Variants in MIA2 observed in about 807,000 individuals in gnomAD.
MIA2 encodes the protein melanoma inhibitory activity protein 2.
Under a neutral mutation model 167.8 loss-of-function variants are expected in MIA2, and 127 were observed. That is an observed-to-expected ratio of 0.76 (90% CI 0.66 to 0.88). The LOEUF (loss-of-function observed/expected upper bound fraction) is 0.88, where lower values mean the gene tolerates loss of function less well. Ranked by LOEUF, MIA2 falls within the 40% of genes least tolerant of loss-of-function variation. MIA2 has a pLI of 0.00. For missense variants in MIA2, 1,690 were observed against 1,624.7 expected (o/e 1.04, Z -0.69); for synonymous variants, 552 against 541.9 (o/e 1.02, Z -0.26).
chr14:39,345,768 C>A (rs2073101971), intron 25 of MIA2, 136 bp from the exon 26 acceptor site: 1 of 624,954 alleles, frequency 1.6e-6, no homozygotes, highest in Non-Finnish European at 2.7e-6. Flanking sequence ...CTGAAATTGT[C>A]TACTGTTGTC....
intron 21 of MIA2, 73 bp from the exon 22 acceptor site, chr14:39,317,867 ATGTT>A: frequency 1.1e-6 from 1 of 900,186 alleles, no homozygotes. Context: ...AATTTAATGA[ATGTT>A]TATATTGACA....
chr14:39,305,509 A>C (rs771696592), intron 17 of MIA2, among the ~76,000 whole-genome samples: 3 of 152,282 alleles, frequency 2.0e-5, no homozygotes, highest in South Asian at 4.1e-4. Context: ...TTGTTTTTTT[A>C]ATGGATCATG....
downstream of MIA2, among the ~76,000 whole-genome samples, chr14:39,355,766 C>G (rs1212907188): frequency 6.6e-6 from 1 of 152,046 alleles, no homozygotes; most frequent in Non-Finnish European, 1.5e-5. Flanking sequence ...GCATGAAGGG[C>G]TGTTGAATTT....
intron 24 of MIA2, among the ~76,000 whole-genome samples, chr14:39,323,758 A>AT (rs2066927717): frequency 6.6e-6 from 1 of 152,246 alleles, no homozygotes; most frequent in African/African-American, 2.4e-5. Flanking sequence ...ATTGAATTAC[A>AT]TAAGTCAAGG....
intron 23 of MIA2, among the ~76,000 whole-genome samples, chr14:39,379,448 T>C (rs1189494727): frequency 6.6e-6 from 1 of 152,214 alleles, no homozygotes; most frequent in East Asian, 1.9e-4. Context: ...TTAAAAATGT[T>C]TTAATCTCAG....
intron 9 of MIA2, among the ~76,000 whole-genome samples, chr14:39,280,695 G>C (rs1374820295): frequency 6.6e-6 from 1 of 152,054 alleles, no homozygotes; most frequent in Non-Finnish European, 1.5e-5. Flanking sequence ...TTGTGCCACT[G>C]CACTCCAGCC....
chr14:39,379,265 C>A (rs2139354146), intron 23 of MIA2, among the ~76,000 whole-genome samples: 1 of 152,000 alleles, frequency 6.6e-6, no homozygotes, highest in African/African-American at 2.4e-5. Context: ...TATAGAGAAA[C>A]TTTGAACTAA....
rs969606982 is a variant in MIA2 at position 39,277,388 on chromosome 14, T to C, written c.2019+323T>C. On this transcript the variant is annotated intron_variant, in intron 7 of 28. Transcript: ENST00000640607. ...AAAAAATACAAAAATTAGCTGGACA[T>C]GAGGACACCCGTCTGTGGTCCTGGC... Among the ~76,000 whole-genome samples, 3 of 151,478 alleles carry C rather than the reference T, an allele frequency of 2.0e-5. No individual in the cohort carries two copies. In the South Asian group the frequency reaches 6.2e-4, roughly 32 times the overall value.
intron 23 of MIA2, among the ~76,000 whole-genome samples, chr14:39,368,898 C>A (rs1342901520): frequency 6.6e-6 from 1 of 151,942 alleles, no homozygotes; most frequent in Non-Finnish European, 1.5e-5. Flanking sequence ...GATTTATTAT[C>A]TTCTTCAATC....
chr14:39,253,157 AT>A lies in MIA2; in HGVS notation c.1875del (p.Thr627GlnfsTer12). 4 of 1,609,100 alleles carry A rather than the reference AT, an allele frequency of 2.5e-6. No homozygotes were observed. Among genetic ancestry groups the A allele is most frequent in the Non-Finnish European group, 3.4e-6 (4 of 1,176,862 alleles). On this transcript the variant is annotated frameshift_variant, in exon 6 of 29. Coordinates refer to ENST00000640607, the MANE Select transcript of MIA2 (RefSeq NM_001329214.4). LOFTEE classifies it high-confidence loss of function. ...GAATTCTGCATTTTCACCAATTGTA[AT>A]TCTTACAGAAAGGGTAAGTTTGCCT... ...FMNSAFSPIV[I>X]LTERVVAALP...
chr14:39,346,138 A>G (rs2153071271), intron 26 of MIA2, 112 bp downstream of exon 26: 2 of 820,916 alleles, frequency 2.4e-6, no homozygotes, highest in African/African-American at 3.4e-5. Flanking sequence ...CCTAAGGCCA[A>G]AATCTCTTTC....
intron 9 of MIA2, among the ~76,000 whole-genome samples, chr14:39,285,552 C>A (rs1333503561): frequency 7.1e-6 from 1 of 141,694 alleles, no homozygotes; most frequent in Non-Finnish European, 1.5e-5. Context: ...GACGGGATGG[C>A]TGGCCGGGCG....
rs1555340990 is a variant in MIA2, at chr14:39,234,141, C to G, written c.27C>G (p.Ile9Met). Residue 9 changes from isoleucine (I) to methionine (M), a missense_variant, in exon 1 of 29, where the codon ATC becomes ATG. Transcript: ENST00000640607. MAKFGVHR[I>M]LLLAISLTKC... Reference sequence around the variant, plus strand: ...TGGCAAAATTTGGCGTTCACAGAATCCTTCTTCTGGCTATTTCTCTGACAA... The same window carrying G: ...TGGCAAAATTTGGCGTTCACAGAATGCTTCTTCTGGCTATTTCTCTGACAA... 6.2e-7 allele frequency: 1 copy of G among 1,605,972 alleles called. No individual in the cohort carries two copies. The highest frequency in any genetic ancestry group is 1.1e-5 in the South Asian group (1 of 89,622).
chr14:39,329,544 A>C (rs2068323100), intron 25 of MIA2, among the ~76,000 whole-genome samples: 3 of 152,260 alleles, frequency 2.0e-5, no homozygotes, highest in East Asian at 1.9e-4. Flanking sequence ...GCTGGTTTTC[A>C]AAGGGAATTC....
At chr14:39,277,715 TGTGTGTA>T (rs2058292645) in intron 7 of MIA2, among the ~76,000 whole-genome samples, 1 of 3,446 alleles carries the variant, frequency 2.9e-4, no homozygotes, top group African/African-American at 1.4e-3. Context: ...TATATATATA[TGTGTGTA>T]TATATATATA....
chr14:39,288,461 A>T (rs1490517792), intron 9 of MIA2, among the ~76,000 whole-genome samples: 9,926 of 19,624 alleles, frequency 0.51, 2,277 homozygotes, highest in East Asian at 0.72. Flanking sequence ...ATATATATAT[A>T]TATATATATA....
intron 15 of MIA2, 22 bp from the exon 16 acceptor site, chr14:39,303,456 G>T: frequency 6.3e-7 from 1 of 1,590,162 alleles, no homozygotes; most frequent in South Asian, 1.1e-5. Flanking sequence ...AATCATTGTT[G>T]TGCTTTTGAT....
At chr14:39,307,231 C>T (rs917374895) in intron 17 of MIA2, among the ~76,000 whole-genome samples, 9 of 151,790 alleles carry the variant, frequency 5.9e-5, no homozygotes, top group South Asian at 2.1e-4. Context: ...AATAGTTTTA[C>T]GGGGAATGTT....
intron 19 of MIA2, among the ~76,000 whole-genome samples, chr14:39,314,117 G>T (rs2152939976): frequency 6.6e-6 from 1 of 152,312 alleles, no homozygotes; most frequent in East Asian, 1.9e-4. Context: ...CGGGCATGGT[G>T]GCTCACGCCT....
Sources: allele counts gnomAD v4.1 joint callset (sites outside exome capture counted in the v4.1 genomes callset), GRCh38; gene constraint gnomAD v4.1.1; transcripts MANE v1.5; gene names NCBI Gene and HGNC (gene_info 2026-07-23, HGNC 2026-07-21).